The following ZNF512 variants were observed in gnomAD, a reference collection of about 807,000 sequenced individuals.
The protein encoded by ZNF512 is zinc finger protein 512.
Under a neutral mutation model 77.5 loss-of-function variants are expected in ZNF512, and 25 were observed. That is an observed-to-expected ratio of 0.32 (90% CI 0.23 to 0.45). The LOEUF is 0.45. Among genes scored for constraint, ZNF512 ranks in the 20% least tolerant of loss-of-function variants. The pLI, the probability that ZNF512 is intolerant of heterozygous loss-of-function variation, is 1.00. For synonymous variants in ZNF512, 246 were observed against 239.9 expected (o/e 1.03, Z -0.24); for missense variants, 483 against 692.6 (o/e 0.70, Z 3.40).
intron 2 of ZNF512, among the ~76,000 whole-genome samples, chr2:27,593,517 A>G (rs145186879): frequency 6.6e-5 from 10 of 152,232 alleles, no homozygotes; most frequent in African/African-American, 2.4e-4. Flanking sequence ...CTACTCGGGT[A>G]TGGTGAGGTG....
rs748116492 is a variant in ZNF512, at chr2:27,602,555, G to A, written c.762G>A (p.Met254Ile). ...VLKRLGKLRC[M>I]RESCSSSFTS... ...AGAGACTGGGAAAGCTCAGGTGCAT[G>A]CGTGAGGTAAGGGCCCAAGGACAGC... The change falls in exon 8 of 14, where the codon ATG becomes ATA. Residue 254 changes from methionine to isoleucine, a missense_variant. Transcript: ENST00000355467. 5.0e-6 allele frequency: 8 copies of A among 1,613,104 alleles called. No individual in the cohort carries two copies. The highest frequency in any genetic ancestry group is 5.9e-6 in the Non-Finnish European group (7 of 1,179,694).
chr2:27,593,363 G>T lies in ZNF512; in HGVS notation c.90-4704G>T, dbSNP rs542183089. On this transcript the variant is annotated intron_variant, in intron 2 of 13. Coordinates refer to ENST00000355467, the MANE Select transcript of ZNF512 (RefSeq NM_032434.4). ...GCTGTGCTTGAGCCACTACACTCCA[G>T]CCTGAGTGACAGAGTGAGACCTTGT... Among the ~76,000 whole-genome samples, 285 of 146,316 alleles carry T rather than the reference G, an allele frequency of 1.9e-3. 2 individuals carry two copies. The highest frequency in any genetic ancestry group is 7.3e-3 in the African/African-American group (282 of 38,886).
At chr2:27,607,225 C>T (rs1672407698) in intron 9 of ZNF512, among the ~76,000 whole-genome samples, 1 of 152,178 alleles carries the variant, frequency 6.6e-6, no homozygotes, top group South Asian at 2.1e-4. Context: ...CGCATTTTCT[C>T]CCTTGCTGTC....
At chr2:27,591,475 G>T (rs1037017607) in intron 2 of ZNF512, among the ~76,000 whole-genome samples, 4 of 152,014 alleles carry the variant, frequency 2.6e-5, no homozygotes, top group Non-Finnish European at 5.9e-5. Context: ...GAGCACAGTG[G>T]TGTATCTTGG....
At chr2:27,592,962 G>A (rs942188255) in intron 2 of ZNF512, among the ~76,000 whole-genome samples, 2 of 151,878 alleles carry the variant, frequency 1.3e-5, no homozygotes, top group Admixed American at 6.6e-5. Context: ...TGGGATTACA[G>A]GCGTGAGCCA....
chr2:27,606,365 T>C (rs539041535), intron 9 of ZNF512, among the ~76,000 whole-genome samples: 247 of 152,160 alleles, frequency 1.6e-3, no homozygotes, highest in Admixed American at 4.7e-3. Flanking sequence ...TAATTTTCTT[T>C]CTTTTTTTTT....
intron 2 of ZNF512, among the ~76,000 whole-genome samples, chr2:27,593,862 TC>T (rs562009783): frequency 0.011 from 1,617 of 151,986 alleles, 16 homozygotes; most frequent in Non-Finnish European, 0.015. Flanking sequence ...AGGTTATAGA[TC>T]AACAGCATCC....
At position 27,600,011 on chromosome 2, in the gene ZNF512, C is replaced by G. The variant is rs774906176; in HGVS notation, c.415C>G (p.Gln139Glu). The change falls in exon 5 of 14, where the codon CAG (glutamine) becomes GAG (glutamate). Residue 139 changes from glutamine (Q) to glutamate (E), a missense_variant. Coordinates refer to ENST00000355467, the MANE Select transcript of ZNF512 (RefSeq NM_032434.4). ...RPKTQPNPKSQARRIRKEPPV... is the reference protein window; with the variant it reads ...RPKTQPNPKSEARRIRKEPPV... ...TAAAACTCAGCCCAATCCCAAATCC[C>G]AGGCCCGTCGTATTCGGAAGGAACC... is the stretch of plus-strand genomic sequence containing the variant. The G allele has an allele frequency of 3.7e-6, 6 of 1,614,192 alleles. No individual in the cohort carries two copies. The Admixed American group carries it at 8.3e-5, about 22-fold the overall frequency.
In ZNF512 at chr2:27,621,553, CT is replaced by C. The variant is rs1425730410; in HGVS notation, c.*93del. On this transcript the variant is annotated 3_prime_UTR_variant, in exon 14 of 14. Transcript: ENST00000355467. ...GAGGACTGAGTGAAGATTCTTTCAG[CT>C]GTTTGTGTAAGGCTGTGACTTTCTC... 32 of 1,347,814 alleles carry C rather than the reference CT, an allele frequency of 2.4e-5. No homozygotes were observed. In the East Asian group the frequency reaches 7.0e-4, roughly 29 times the overall value. 83.5% of individuals were successfully genotyped at this position (1,347,814 alleles called of 1,614,324 possible).
chr2:27,603,533 AC>A (rs1360377275), intron 9 of ZNF512, among the ~76,000 whole-genome samples: 4 of 141,258 alleles, frequency 2.8e-5, no homozygotes, highest in South Asian at 4.4e-4. Context: ...GCAGAAGTAA[AC>A]TCATTATTAT....
chr2:27,595,490 A>G (rs1671827553), intron 2 of ZNF512, among the ~76,000 whole-genome samples: 1 of 151,592 alleles, frequency 6.6e-6, no homozygotes, highest in African/African-American at 2.4e-5. Flanking sequence ...AGGCCTGGCT[A>G]ATTCTTTTGT....
Position 27,583,048 on chromosome 2 carries a change from G to T in ZNF512, c.-65G>T, listed in dbSNP as rs1318920213. ...AGCCGAGCCCACATCCGGGAGAGGA[G>T]AGCGGAAGTGGCGTTGGTCTGGCCG... On this transcript the variant is annotated 5_prime_UTR_variant, in exon 1 of 14. Transcript: ENST00000355467. The T allele has an allele frequency of 6.3e-7, 1 of 1,592,826 alleles. No individual in the cohort carries two copies. Among genetic ancestry groups the T allele is most frequent in the Non-Finnish European group, 8.6e-7 (1 of 1,160,680 alleles).
rs1672983216 is a variant in ZNF512 at position 27,618,356 on chromosome 2, C to G, written c.1395+785C>G. On this transcript the variant is annotated intron_variant, in intron 13 of 13. Coordinates refer to ENST00000355467, the MANE Select transcript of ZNF512 (RefSeq NM_032434.4). ...TAGCATTCTAATGTCTTCCAGCAAC[C>G]CATTTTTAACGCTGTTTAAAATACT... is the stretch of plus-strand genomic sequence containing the variant. 2.0e-5 allele frequency among the ~76,000 whole-genome samples: 3 copies of G among 152,274 alleles called. No homozygotes were observed. In the South Asian group the frequency reaches 6.2e-4, roughly 32 times the overall value.
chr2:27,610,056 AAAAT>A (rs967719830), intron 10 of ZNF512, among the ~76,000 whole-genome samples: 11 of 151,582 alleles, frequency 7.3e-5, no homozygotes, highest in African/African-American at 1.7e-4. Flanking sequence ...AATAATAATA[AAAAT>A]AAATAAATAA....
chr2:27,583,975 C>T (rs1015990428), intron 2 of ZNF512, among the ~76,000 whole-genome samples: 2 of 151,944 alleles, frequency 1.3e-5, no homozygotes, highest in East Asian at 3.8e-4. Flanking sequence ...CTTCTTGTGA[C>T]GAAAATGTTC....
intron 4 of ZNF512, 81 bp downstream of exon 4, chr2:27,599,759 G>GT: frequency 7.2e-7 from 1 of 1,385,768 alleles, no homozygotes; most frequent in Non-Finnish European, 1.0e-6. Context: ...AGAAGCCTTA[G>GT]TTTGAGCCCT....
At chr2:27,603,572 T>TTGTGTGTGTGTGTGTGTGTGTGTG (rs1215539167) in intron 9 of ZNF512, among the ~76,000 whole-genome samples, 5 of 72,914 alleles carry the variant, frequency 6.9e-5, no homozygotes, top group African/African-American at 1.9e-4. Flanking sequence ...TATTTTTATA[T>TTGTGTGTGTGTGTGTGTGTGTGTG]AGTGTGTGTG....
At chr2:27,609,921 G>A (rs1040355245) in intron 10 of ZNF512, among the ~76,000 whole-genome samples, 3 of 147,906 alleles carry the variant, frequency 2.0e-5, no homozygotes, top group African/African-American at 7.3e-5. Context: ...CCCAGCTATA[G>A]TCTCAGGTAC....
In ZNF512 at chr2:27,622,567, C is replaced by T. The variant is rs548171247; in HGVS notation, c.*1106C>T. On this transcript the variant is annotated 3_prime_UTR_variant, in exon 14 of 14. Transcript: ENST00000355467. Reference sequence around the variant, plus strand: ...TTATCTGGAGCTGGAAAGAAAAATTCTTTTTCTGTACCTCATGCCTATCTG... The same window carrying T: ...TTATCTGGAGCTGGAAAGAAAAATTTTTTTTCTGTACCTCATGCCTATCTG... The T allele has an allele frequency of 1.3e-5, 2 of 152,838 alleles. No homozygotes were observed. Among genetic ancestry groups the T allele is most frequent in the African/African-American group, 4.8e-5 (2 of 41,554 alleles). 9.5% of individuals were successfully genotyped at this position (152,838 alleles called of 1,614,324 possible).
Sources: gnomAD v4.1 joint callset for allele counts (sites outside exome capture counted in the v4.1 genomes callset) on GRCh38, gnomAD v4.1.1 for gene constraint, MANE v1.5 for transcripts, NCBI Gene and HGNC (gene_info 2026-07-23, HGNC 2026-07-21) for gene names.